Variants in FLT1 observed in about 807,000 individuals in gnomAD.
FLT1 encodes the protein vascular endothelial growth factor receptor 1.
Under a neutral mutation model 156.3 loss-of-function variants are expected in FLT1, and 49 were observed. The observed-to-expected ratio is 0.31, with a 90% CI of 0.25 to 0.40. FLT1 has a LOEUF of 0.40. Among genes scored for constraint, FLT1 ranks in the 10% least tolerant of loss-of-function variants. The pLI, the probability that FLT1 is intolerant of heterozygous loss-of-function variation, is 1.00. For synonymous variants in FLT1, 594 were observed against 583.8 expected (o/e 1.02, Z -0.25); for missense variants, 1,322 against 1,637.2 (o/e 0.81, Z 3.32).
chr13:28,356,029 C>T (rs1395117989), intron 15 of FLT1, among the ~76,000 whole-genome samples: 1 of 152,156 alleles, frequency 6.6e-6, no homozygotes, highest in Non-Finnish European at 1.5e-5. Context: ...CATAAGAGTC[C>T]AGCCATTGCT....
Position 28,324,863 on chromosome 13 carries a change from C to T in FLT1, c.2797-1917G>A, listed in dbSNP as rs547935367. ...GGCTCTCTCACTCCCTTCCTGACTC[C>T]CAATCAATTGTATATTCAGCTTTGC... On this transcript the variant is annotated intron_variant, in intron 20 of 29. Transcript: ENST00000282397. Among the ~76,000 whole-genome samples, 16 of 152,264 alleles carry T rather than the reference C, an allele frequency of 1.1e-4. No individual in the cohort carries two copies. The South Asian group carries it at 2.9e-3, about 28-fold the overall frequency.
intron 17 of FLT1, among the ~76,000 whole-genome samples, chr13:28,337,628 T>C (rs1487679710): frequency 1.3e-5 from 2 of 152,154 alleles, no homozygotes; most frequent in African/African-American, 4.8e-5. Context: ...AATTCTAGCA[T>C]GTGGCAACTC....
chr13:28,381,495 G>C (rs1178463287), intron 14 of FLT1, among the ~76,000 whole-genome samples: 1 of 152,162 alleles, frequency 6.6e-6, no homozygotes, highest in Non-Finnish European at 1.5e-5. Flanking sequence ...GGAGATGGAG[G>C]TTGCAGTGAG....
At chr13:28,401,312 T>C (rs1182533420) in intron 11 of FLT1, among the ~76,000 whole-genome samples, 1 of 152,244 alleles carries the variant, frequency 6.6e-6, no homozygotes, top group African/African-American at 2.4e-5. Context: ...TCCAGTTGCC[T>C]GGCCTGGCCC....
chr13:28,403,925 C>A (rs542634523), intron 11 of FLT1, among the ~76,000 whole-genome samples: 19 of 152,008 alleles, frequency 1.2e-4, no homozygotes, highest in Admixed American at 6.6e-5. Flanking sequence ...GCCTGTAATC[C>A]CAGCTACTTG....
rs142015504 is a variant in FLT1, at chr13:28,349,711, C to T, written c.2249-4160G>A. On this transcript the variant is annotated intron_variant, in intron 15 of 29. Coordinates refer to ENST00000282397, the MANE Select transcript of FLT1 (RefSeq NM_002019.4). ...TGCATTCTATGGGACAGGAAGCTGACCCCCAAAGTCTAATTCCACAGTCCT... is the reference window on the plus strand; with the variant it reads ...TGCATTCTATGGGACAGGAAGCTGATCCCCAAAGTCTAATTCCACAGTCCT... 2.2e-3 allele frequency among the ~76,000 whole-genome samples: 331 copies of T among 152,220 alleles called. 1 individual carries two copies. The highest frequency in any genetic ancestry group is 7.7e-3 in the East Asian group (40 of 5,184).
intron 27 of FLT1, 49 bp downstream of exon 27, chr13:28,311,538 CTTT>C (rs1183601879): frequency 1.4e-5 from 20 of 1,432,442 alleles, no homozygotes; most frequent in Non-Finnish European, 1.8e-5. Flanking sequence ...TTCTTTCCTT[CTTT>C]TTTTTGTTGG....
chr13:28,388,696 G>A (rs764420705), intron 13 of FLT1: 63 of 1,056,712 alleles, frequency 6.0e-5, no homozygotes, highest in Admixed American at 3.8e-4. Context: ...TTTGCATATG[G>A]GGAAAGTGGA....
At chr13:28,423,238 A>T (rs1314780643) in intron 10 of FLT1, among the ~76,000 whole-genome samples, 5 of 152,152 alleles carry the variant, frequency 3.3e-5, no homozygotes, top group Non-Finnish European at 7.4e-5. Flanking sequence ...CATGACAGGA[A>T]ACCAATGAAT....
intron 18 of FLT1, among the ~76,000 whole-genome samples, chr13:28,332,802 TG>T (rs1871980692): frequency 6.6e-6 from 1 of 152,202 alleles, no homozygotes; most frequent in African/African-American, 2.4e-5. Context: ...CTGTTTTGTG[TG>T]GTTCAGCCTA....
At chr13:28,458,111 A>C (rs1294933214) in intron 3 of FLT1, among the ~76,000 whole-genome samples, 1 of 151,226 alleles carries the variant, frequency 6.6e-6, no homozygotes, top group Admixed American at 6.6e-5. Flanking sequence ...ATTTTTTTGT[A>C]CTTTTAGTAG....
rs1871358235 is a variant in FLT1 at position 28,319,621 on chromosome 13, A to G, written c.3175-87T>C. On this transcript the variant is annotated intron_variant, in intron 23 of 29. Transcript: ENST00000282397. ...GTGTCCATGGGGTCACCTCCCAGAT[A>G]ACATACGGCCTATAAATCATTTCCG... 34 of 756,230 alleles carry G rather than the reference A, an allele frequency of 4.5e-5. 1 individual carries two copies. In the South Asian group the frequency reaches 4.8e-4, roughly 11 times the overall value. The allele number at this position is 756,230 out of a possible 1,614,324, so 46.8% of individuals were successfully genotyped here.
intron 13 of FLT1, chr13:28,389,091 T>C (rs1848601440): frequency 9.4e-7 from 1 of 1,064,614 alleles, no homozygotes; most frequent in South Asian, 4.6e-5. Flanking sequence ...CACCAACATC[T>C]TGCACCCCTG....
rs768377172 is a variant in FLT1 at position 28,321,494 on chromosome 13, T to C, written c.3143A>G (p.Tyr1048Cys). ...TTTTCTCACATAATCGGGGTTCTTATAAATATCCCGGGCAAGGCCAAAATC... is the reference window on the plus strand; with the variant it reads ...TTTTCTCACATAATCGGGGTTCTTACAAATATCCCGGGCAAGGCCAAAATC... ...ICDFGLARDI[Y>C]KNPDYVRKGD... Residue 1048 changes from tyrosine to cysteine, a missense_variant, in exon 23 of 30, where the codon TAT becomes TGT. This residue lies in a region of FLT1 where 329 missense variants were observed against 366.2 expected (regional missense o/e 0.90). Coordinates refer to ENST00000282397, the MANE Select transcript of FLT1 (RefSeq NM_002019.4). The C allele has an allele frequency of 6.2e-7, 1 of 1,614,180 alleles. No individual in the cohort carries two copies. Among genetic ancestry groups the C allele is most frequent in the Non-Finnish European group, 8.5e-7 (1 of 1,180,004 alleles).
At chr13:28,308,158 G>T (rs1870833204) in intron 28 of FLT1, among the ~76,000 whole-genome samples, 1 of 152,274 alleles carries the variant, frequency 6.6e-6, no homozygotes, top group East Asian at 1.9e-4. Context: ...GTGTGGGCAG[G>T]TCCCGAGAGC....
intron 15 of FLT1, among the ~76,000 whole-genome samples, chr13:28,354,446 G>T (rs961976882): frequency 6.6e-6 from 1 of 152,130 alleles, no homozygotes; most frequent in African/African-American, 2.4e-5. Context: ...TGAGTTAAAT[G>T]CCTCTTCTGT....
chr13:28,471,757 T>A (rs892140394), intron 1 of FLT1, among the ~76,000 whole-genome samples: 3 of 152,206 alleles, frequency 2.0e-5, no homozygotes, highest in Non-Finnish European at 2.9e-5. Context: ...CCTAGAAATC[T>A]GATTTAAAAG....
chr13:28,311,538 C>CTTTT, intron 27 of FLT1, 52 bp downstream of exon 27: 3 of 1,432,554 alleles, frequency 2.1e-6, no homozygotes, highest in Middle Eastern at 2.4e-4. Context: ...TTCTTTCCTT[C>CTTTT]TTTTTTTTGT....
At chr13:28,421,195 T>G (rs1019152202) in intron 10 of FLT1, among the ~76,000 whole-genome samples, 4 of 152,244 alleles carry the variant, frequency 2.6e-5, no homozygotes, top group Non-Finnish European at 4.4e-5. Context: ...GTAACTATTT[T>G]AGACTCCAGT....
Sources: allele counts gnomAD v4.1 joint callset (sites outside exome capture counted in the v4.1 genomes callset), GRCh38; gene constraint gnomAD v4.1.1; regional missense constraint gnomAD v4.1.1; transcripts MANE v1.5; gene names NCBI Gene and HGNC (gene_info 2026-07-23, HGNC 2026-07-21).